WWOX: variants seen among roughly 807,000 people sequenced by gnomAD.
WWOX encodes the protein WW domain containing oxidoreductase.
Under a neutral mutation model 46.2 loss-of-function variants are expected in WWOX, and 69 were observed. The ratio of observed to expected loss-of-function variants is 1.49; its 90% CI spans 1.23 to 1.82. The LOEUF is 1.82. Among genes scored for constraint, WWOX ranks in the 40% most tolerant of loss-of-function variants. The pLI is 0.00. For synonymous variants in WWOX, 359 were observed against 202.6 expected (o/e 1.77, Z -6.56); for missense variants, 919 against 542.6 (o/e 1.69, Z -6.89).
At chr16:78,155,404 A>G (rs1213874632) in intron 4 of WWOX, among the ~76,000 whole-genome samples, 4 of 152,206 alleles carry the variant, frequency 2.6e-5, no homozygotes, top group African/African-American at 7.2e-5. Flanking sequence ...ATAGTATAAG[A>G]TAAGTAGGTA....
chr16:78,964,639 A>C (rs1479820619), intron 8 of WWOX, among the ~76,000 whole-genome samples: 1 of 152,230 alleles, frequency 6.6e-6, no homozygotes, highest in Non-Finnish European at 1.5e-5. Context: ...GGAGAAATTC[A>C]AGCTGGCTGC....
intron 8 of WWOX, among the ~76,000 whole-genome samples, chr16:78,865,705 C>T (rs927431732): frequency 6.6e-6 from 1 of 152,076 alleles, no homozygotes; most frequent in African/African-American, 2.4e-5. Flanking sequence ...CATGGTGAAA[C>T]CCCATCTCTA....
At chr16:78,578,808 T>C (rs762326186) in intron 8 of WWOX, among the ~76,000 whole-genome samples, 1 of 152,208 alleles carries the variant, frequency 6.6e-6, no homozygotes, top group South Asian at 2.1e-4. Context: ...CTTCCAGAAT[T>C]GCATCCCTGA....
chr16:78,200,994 C>G (rs1410219894), intron 5 of WWOX, among the ~76,000 whole-genome samples: 1 of 152,184 alleles, frequency 6.6e-6, no homozygotes, highest in Non-Finnish European at 1.5e-5. Flanking sequence ...CATAGCAAGT[C>G]TCTTTACTCT....
intron 8 of WWOX, among the ~76,000 whole-genome samples, chr16:78,522,481 T>A (rs2043370695): frequency 6.6e-6 from 1 of 152,206 alleles, no homozygotes; most frequent in Non-Finnish European, 1.5e-5. Flanking sequence ...TTCCTCTGTC[T>A]CCGATGTCAC....
At chr16:78,512,761 C>A (rs182231088) in intron 8 of WWOX, among the ~76,000 whole-genome samples, 20 of 152,312 alleles carry the variant, frequency 1.3e-4, no homozygotes, top group Non-Finnish European at 2.2e-4. Flanking sequence ...ATAAGCTTGA[C>A]TGGCTTGTAA....
At chr16:79,155,330 C>G (rs757426805) in intron 8 of WWOX, among the ~76,000 whole-genome samples, 1 of 152,090 alleles carries the variant, frequency 6.6e-6, no homozygotes, top group African/African-American at 2.4e-5. Flanking sequence ...GAGCTGAGAT[C>G]ACGCCATTGC....
intron 8 of WWOX, among the ~76,000 whole-genome samples, chr16:79,170,509 C>T (rs1278210708): frequency 2.0e-5 from 3 of 152,176 alleles, no homozygotes; most frequent in Non-Finnish European, 2.9e-5. Context: ...CAATGAGTTT[C>T]ATACCCTAAA....
chr16:78,566,961 A>T (rs541422353), intron 8 of WWOX, among the ~76,000 whole-genome samples: 12 of 152,354 alleles, frequency 7.9e-5, no homozygotes, highest in African/African-American at 2.6e-4. Flanking sequence ...AAATGGAAGC[A>T]ACCACCAGTG....
chr16:78,171,363 T>G (rs979422974), intron 5 of WWOX, among the ~76,000 whole-genome samples: 4 of 152,314 alleles, frequency 2.6e-5, no homozygotes, highest in Admixed American at 6.5e-5. Context: ...CTGGTATAGC[T>G]TCACTGTTTG....
At chr16:78,605,879 A>G (rs924583083) in intron 8 of WWOX, among the ~76,000 whole-genome samples, 6 of 152,168 alleles carry the variant, frequency 3.9e-5, no homozygotes, top group Non-Finnish European at 8.8e-5. Flanking sequence ...ATTTGGCCCT[A>G]TAATTAATAT....
intron 8 of WWOX, among the ~76,000 whole-genome samples, chr16:78,651,163 T>A (rs1340671259): frequency 6.6e-6 from 1 of 152,242 alleles, no homozygotes; most frequent in African/African-American, 2.4e-5. Context: ...AGTTTTCTTA[T>A]ATTTTAAGCA....
At chr16:78,128,588 C>G (rs1025312216) in intron 4 of WWOX, among the ~76,000 whole-genome samples, 1 of 152,164 alleles carries the variant, frequency 6.6e-6, no homozygotes. Context: ...CAGACACAAA[C>G]GGGATGCTCC....
At chr16:78,434,335 A>G (rs2083290234) in intron 8 of WWOX, among the ~76,000 whole-genome samples, 1 of 152,182 alleles carries the variant, frequency 6.6e-6, no homozygotes. Context: ...GGTGGATCAC[A>G]GGGTTTTGAA....
chr16:78,499,757 CT>C (rs1567608220), intron 8 of WWOX, among the ~76,000 whole-genome samples: 1 of 152,208 alleles, frequency 6.6e-6, no homozygotes. Flanking sequence ...ACACCAGCCT[CT>C]GTCAAATACA....
chr16:79,103,299 G>A (rs549205482), intron 8 of WWOX, among the ~76,000 whole-genome samples: 1 of 152,334 alleles, frequency 6.6e-6, no homozygotes, highest in East Asian at 1.9e-4. Flanking sequence ...TCTGTATGAA[G>A]TGACTGTTCT....
intron 8 of WWOX, among the ~76,000 whole-genome samples, chr16:78,696,595 C>A (rs913461769): frequency 6.6e-6 from 1 of 152,098 alleles, no homozygotes; most frequent in African/African-American, 2.4e-5. Flanking sequence ...CTACCAGGCA[C>A]GGTGTTGCCT....
intron 5 of WWOX, among the ~76,000 whole-genome samples, chr16:78,228,142 C>G (rs2037130209): frequency 6.6e-6 from 1 of 152,052 alleles, no homozygotes; most frequent in African/African-American, 2.4e-5. Context: ...CCCATCTCTT[C>G]CAGCCTTTGC....
chr16:79,062,211 C>G (rs1053899899), intron 8 of WWOX, among the ~76,000 whole-genome samples: 1 of 152,254 alleles, frequency 6.6e-6, no homozygotes, highest in Non-Finnish European at 1.5e-5. Flanking sequence ...GAGGAAGAAG[C>G]GTAAGTGTAT....
Sources: gnomAD v4.1 joint callset for allele counts (sites outside exome capture counted in the v4.1 genomes callset) on GRCh38, gnomAD v4.1.1 for gene constraint, MANE v1.5 for transcripts, NCBI Gene and HGNC (gene_info 2026-07-23, HGNC 2026-07-21) for gene names.